Variants in SFTPD observed in about 807,000 individuals in gnomAD.
SFTPD encodes the protein pulmonary surfactant-associated protein D.
In SFTPD, 18 loss-of-function variants were observed where a neutral mutation model predicts 34.6. The ratio of observed to expected loss-of-function variants is 0.52; its 90% CI spans 0.36 to 0.77. The LOEUF (loss-of-function observed/expected upper bound fraction) is 0.77, where lower values mean the gene tolerates loss of function less well. SFTPD is among the 30% of genes least tolerant of loss of function. The pLI is 0.00. For synonymous variants in SFTPD, 155 were observed against 180.9 expected, an observed-to-expected ratio of 0.86 and a Z score of 1.15; for missense variants, 433 against 468.9, an observed-to-expected ratio of 0.92 and a Z score of 0.71.
intron 1 of SFTPD, chr10:79,972,730 C>T (rs921657909): frequency 6.6e-6 from 1 of 152,188 alleles, no homozygotes; most frequent in Non-Finnish European, 1.5e-5. Context: ...CCATCACTTC[C>T]TTGGAAGTCT....
Position 79,941,983 on chromosome 10 carries a change from C to G in SFTPD, c.521G>C (p.Arg174Pro). The G allele has an allele frequency of 2.5e-6, 4 of 1,613,562 alleles. No homozygotes were observed. The highest frequency in any genetic ancestry group is 3.4e-6 in the Non-Finnish European group (4 of 1,179,582). Residue 174 changes from arginine (R) to proline (P), a missense_variant, in exon 5 of 8, where the codon CGT (arginine) becomes CCT (proline). Transcript: ENST00000372292. ...TGCCCCTGTGTTTCCAGGGACTCCA[C>G]GCTCACCAGGGACACCTCGCTCTCC... ...PKGERGVPGE[R>P]GVPGNTGAAG...
intron 1 of SFTPD, among the ~76,000 whole-genome samples, chr10:79,979,586 C>G (rs1842880214): frequency 6.6e-6 from 1 of 152,210 alleles, no homozygotes; most frequent in Non-Finnish European, 1.5e-5. Context: ...AGCCAGCACT[C>G]ACAGAGGAAG....
At chr10:79,963,267 A>C (rs2758588) in intron 1 of SFTPD, among the ~76,000 whole-genome samples, 2 of 151,540 alleles carry the variant, frequency 1.3e-5, no homozygotes, top group Admixed American at 6.6e-5. Context: ...TGGAGGATCA[A>C]TTGAACCCAG....
rs535794713 is a variant in SFTPD at position 79,941,353 on chromosome 10, C to A, written c.667+45G>T. Reference sequence around the variant, plus strand: ...TGAGGAGGGCTTCCTCTCTGCCCACCCATGCCCCAGCGGGGCTTCCCTGGG... The same window carrying A: ...TGAGGAGGGCTTCCTCTCTGCCCACACATGCCCCAGCGGGGCTTCCCTGGG... On this transcript the variant is annotated intron_variant, in intron 6 of 7. Transcript: ENST00000372292. 1.4e-5 allele frequency: 21 copies of A among 1,545,582 alleles called. 1 individual carries two copies. Among genetic ancestry groups the A allele is most frequent in the Middle Eastern group, 3.4e-4 (2 of 5,930 alleles).
chr10:79,953,204 T>C (rs1415796717), upstream of SFTPD, among the ~76,000 whole-genome samples: 3 of 152,264 alleles, frequency 2.0e-5, no homozygotes, highest in African/African-American at 7.2e-5. Flanking sequence ...CTTGTCTTTA[T>C]AATTACTTTT....
At chr10:79,972,037 T>G (rs1462314361) in intron 1 of SFTPD, 1 of 152,234 alleles carries the variant, frequency 6.6e-6, no homozygotes, top group East Asian at 1.9e-4. Context: ...TTTGACATGC[T>G]GCAAAGCTCA....
At chr10:79,953,684 C>T (rs574996912), upstream of SFTPD, among the ~76,000 whole-genome samples, 1 of 151,958 alleles carries the variant, frequency 6.6e-6, no homozygotes, top group South Asian at 2.1e-4. Flanking sequence ...TGTTTCCTTC[C>T]CTAAATTTGG....
intron 2 of SFTPD, among the ~76,000 whole-genome samples, chr10:79,944,274 A>G (rs1348921757): frequency 1.3e-5 from 2 of 152,136 alleles, no homozygotes; most frequent in South Asian, 2.1e-4. Context: ...GGGAGCTTCA[A>G]CTCTATCTCA....
At chr10:79,954,464 T>C (rs904817259) in intron 1 of SFTPD, among the ~76,000 whole-genome samples, 6 of 152,246 alleles carry the variant, frequency 3.9e-5, no homozygotes, top group Non-Finnish European at 8.8e-5. Flanking sequence ...TGAGCAGGCC[T>C]ATTGCCATTG....
chr10:79,969,911 G>C (rs1392914238), intron 1 of SFTPD: 1 of 152,004 alleles, frequency 6.6e-6, no homozygotes, highest in African/African-American at 2.4e-5. Flanking sequence ...GTCTATTTTT[G>C]CTTTGATTGC....
chr10:79,961,027 C>T (rs532368729), intron 1 of SFTPD, among the ~76,000 whole-genome samples: 2 of 152,038 alleles, frequency 1.3e-5, no homozygotes, highest in South Asian at 4.1e-4. Context: ...ACAAACCTGA[C>T]AAAAACAAGC....
At chr10:79,978,332 A>G (rs1231675361) in intron 1 of SFTPD, among the ~76,000 whole-genome samples, 1 of 152,242 alleles carries the variant, frequency 6.6e-6, no homozygotes, top group Admixed American at 6.5e-5. Flanking sequence ...TTCTTTCATC[A>G]TAAGAGATAT....
At chr10:79,978,929 G>C (rs182076466) in intron 1 of SFTPD, among the ~76,000 whole-genome samples, 1 of 152,174 alleles carries the variant, frequency 6.6e-6, no homozygotes, top group African/African-American at 2.4e-5. Context: ...TCTGTCTGCA[G>C]ATTACATTAT....
chr10:79,942,324 C>G, intron 4 of SFTPD, 64 bp downstream of exon 4: 1 of 1,145,610 alleles, frequency 8.7e-7, no homozygotes, highest in Non-Finnish European at 1.3e-6. Flanking sequence ...CGCCTCAGGT[C>G]ATATCATGGA....
At chr10:79,976,044 G>C (rs1842862479) in intron 1 of SFTPD, among the ~76,000 whole-genome samples, 1 of 152,122 alleles carries the variant, frequency 6.6e-6, no homozygotes, top group African/African-American at 2.4e-5. Context: ...GCCAGTTTTG[G>C]GGCCAGTTTA....
chr10:79,973,769 AC>A (rs1478960657), intron 1 of SFTPD, among the ~76,000 whole-genome samples: 2 of 152,160 alleles, frequency 1.3e-5, no homozygotes, highest in Non-Finnish European at 1.5e-5. Flanking sequence ...AGGACAGGGT[AC>A]CCAGCTCTAG....
intron 1 of SFTPD, among the ~76,000 whole-genome samples, chr10:79,947,010 G>T (rs928211548): frequency 5.9e-5 from 9 of 152,192 alleles, no homozygotes; most frequent in East Asian, 3.9e-4. Context: ...CATCAAGAAG[G>T]GTTCATTGAG....
At chr10:79,951,400 T>G (rs1380491328), upstream of SFTPD, among the ~76,000 whole-genome samples, 1 of 152,238 alleles carries the variant, frequency 6.6e-6, no homozygotes, top group Non-Finnish European at 1.5e-5. Context: ...TGTGATCATT[T>G]GGCTTCAATT....
chr10:79,972,227 C>G (rs868279301), intron 1 of SFTPD: 1 of 152,370 alleles, frequency 6.6e-6, no homozygotes, highest in Middle Eastern at 3.4e-3. Flanking sequence ...GGGCTGGGCA[C>G]TGTGGCTCAC....
Sources: allele counts gnomAD v4.1 joint callset (sites outside exome capture counted in the v4.1 genomes callset), GRCh38; gene constraint gnomAD v4.1.1; transcripts MANE v1.5; gene names NCBI Gene and HGNC (gene_info 2026-07-23, HGNC 2026-07-21).